Variants in IQCJ observed in about 807,000 individuals in gnomAD.
The protein encoded by IQCJ is IQ motif containing J.
IQCJ carries 9 observed loss-of-function variants against 11.0 expected under a neutral mutation model. That is an observed-to-expected ratio of 0.82 (90% CI 0.49 to 1.43). The LOEUF is 1.43. Ranked by LOEUF, IQCJ falls within the 40% of genes most tolerant of loss-of-function variation. The pLI is 0.00. For missense variants in IQCJ, 146 were observed against 133.2 expected (o/e 1.10, Z -0.47); for synonymous variants, 55 against 51.3 (o/e 1.07, Z -0.31).
chr3:159,234,600 T>C (rs977806315), intron 1 of IQCJ, among the ~76,000 whole-genome samples: 2 of 152,180 alleles, frequency 1.3e-5, no homozygotes, highest in African/African-American at 4.8e-5. Context: ...GACCAGGAGA[T>C]AGAGACCAGC....
chr3:159,134,672 G>C (rs10513536), intron 1 of IQCJ, among the ~76,000 whole-genome samples: 44,780 of 152,046 alleles, frequency 0.29, 7,413 homozygotes, highest in Non-Finnish European at 0.39. Context: ...TCTCTAAAAA[G>C]TGACATAACC....
chr3:159,136,960 G>T (rs1433984261), intron 1 of IQCJ, among the ~76,000 whole-genome samples: 1 of 152,120 alleles, frequency 6.6e-6, no homozygotes, highest in African/African-American at 2.4e-5. Context: ...GTGACCACTG[G>T]TATTAAGAAG....
At chr3:159,233,219 A>G (rs146232528) in intron 1 of IQCJ, among the ~76,000 whole-genome samples, 42 of 152,192 alleles carry the variant, frequency 2.8e-4, no homozygotes, top group African/African-American at 8.7e-4. Flanking sequence ...TTGGGGATGG[A>G]AAGAGAGGGC....
intron 1 of IQCJ, among the ~76,000 whole-genome samples, chr3:159,179,021 C>A (rs566404813): frequency 4.6e-5 from 7 of 152,146 alleles, no homozygotes; most frequent in African/African-American, 1.4e-4. Flanking sequence ...TGGAATAAAC[C>A]TACATGTTAT....
intron 1 of IQCJ, among the ~76,000 whole-genome samples, chr3:159,221,811 A>T (rs1725564333): frequency 6.6e-6 from 1 of 151,668 alleles, no homozygotes; most frequent in Non-Finnish European, 1.5e-5. Context: ...TGACAGAACC[A>T]AGAAAGAATA....
chr3:159,224,127 A>G (rs565095851), intron 1 of IQCJ, among the ~76,000 whole-genome samples: 15 of 152,102 alleles, frequency 9.9e-5, no homozygotes, highest in African/African-American at 2.9e-4. Context: ...GACACGAAGT[A>G]TATAAGCCTG....
At chr3:159,113,165 GC>G (rs540879139) in intron 1 of IQCJ, among the ~76,000 whole-genome samples, 148 of 152,352 alleles carry the variant, frequency 9.7e-4, no homozygotes, top group Middle Eastern at 6.8e-3. Context: ...GGTTTAAAGA[GC>G]CCTGGGGCTC....
At chr3:159,076,296 C>T (rs1715911738) in intron 1 of IQCJ, among the ~76,000 whole-genome samples, 1 of 152,010 alleles carries the variant, frequency 6.6e-6, no homozygotes, top group Non-Finnish European at 1.5e-5. Context: ...ACAATTTGAG[C>T]TCATACTTTA....
At chr3:159,256,016 C>A (rs1011817815) in intron 3 of IQCJ, among the ~76,000 whole-genome samples, 2 of 152,228 alleles carry the variant, frequency 1.3e-5, no homozygotes, top group Non-Finnish European at 2.9e-5. Flanking sequence ...GAAGGCCTCG[C>A]AGCACAGGCA....
chr3:159,264,325 G>A (rs759496392), downstream of IQCJ, among the ~76,000 whole-genome samples: 1 of 152,152 alleles, frequency 6.6e-6, no homozygotes, highest in Non-Finnish European at 1.5e-5. Context: ...TAGCATAAGT[G>A]TTTTGTGCAT....
At chr3:159,254,144 T>C (rs1727761110) in intron 3 of IQCJ, among the ~76,000 whole-genome samples, 1 of 152,226 alleles carries the variant, frequency 6.6e-6, no homozygotes, top group African/African-American at 2.4e-5. Flanking sequence ...TCATTAGGAA[T>C]TTTCTCATTA....
At chr3:159,112,712 A>G (rs1242687074) in intron 1 of IQCJ, among the ~76,000 whole-genome samples, 1 of 152,174 alleles carries the variant, frequency 6.6e-6, no homozygotes, top group African/African-American at 2.4e-5. Flanking sequence ...GGAACTACTC[A>G]GCTATGGGAG....
chr3:159,225,616 A>T (rs914071595), intron 1 of IQCJ, among the ~76,000 whole-genome samples: 1 of 152,190 alleles, frequency 6.6e-6, no homozygotes, highest in Non-Finnish European at 1.5e-5. Context: ...TTAAAGAATA[A>T]AACTTGTTTC....
chr3:159,134,762 A>G (rs1411896060), intron 1 of IQCJ, among the ~76,000 whole-genome samples: 1 of 152,212 alleles, frequency 6.6e-6, no homozygotes, highest in African/African-American at 2.4e-5. Flanking sequence ...ACTGTGTTCC[A>G]TTCCCTTGGA....
downstream of IQCJ, among the ~76,000 whole-genome samples, chr3:159,264,465 T>C (rs1484032169): frequency 6.6e-6 from 1 of 152,162 alleles, no homozygotes; most frequent in African/African-American, 2.4e-5. Context: ...TAGAAGATAT[T>C]TCCTCCCTCA....
At chr3:159,147,428 G>T (rs1720981870) in intron 1 of IQCJ, among the ~76,000 whole-genome samples, 1 of 152,176 alleles carries the variant, frequency 6.6e-6, no homozygotes, top group South Asian at 2.1e-4. Context: ...TACGTTTTCA[G>T]ATTAAGACAG....
At chr3:159,086,230 T>C (rs1210375949) in intron 1 of IQCJ, among the ~76,000 whole-genome samples, 3 of 152,176 alleles carry the variant, frequency 2.0e-5, no homozygotes, top group Non-Finnish European at 4.4e-5. Context: ...TAGTTGTAGA[T>C]ATGTGTCGTT....
At chr3:159,108,006 CAAAAAAAAAAAAA>C (rs367862873) in intron 1 of IQCJ, among the ~76,000 whole-genome samples, 17 of 100,944 alleles carry the variant, frequency 1.7e-4, no homozygotes, top group South Asian at 3.6e-4. Context: ...TATGGTTTTC[CAAAAAAAAAAAAA>C]AAAAAAGAAA....
intron 1 of IQCJ, among the ~76,000 whole-genome samples, chr3:159,072,408 C>A (rs1270574064): frequency 1.3e-5 from 2 of 151,694 alleles, no homozygotes; most frequent in Non-Finnish European, 2.9e-5. Flanking sequence ...AGAAGTAAAT[C>A]ACGGGAGGAG....
Sources: gnomAD v4.1 joint callset for allele counts (sites outside exome capture counted in the v4.1 genomes callset) on GRCh38, gnomAD v4.1.1 for gene constraint, MANE v1.5 for transcripts, NCBI Gene and HGNC (gene_info 2026-07-23, HGNC 2026-07-21) for gene names.